Variants in ZFPM1 observed in about 807,000 individuals in gnomAD.
ZFPM1 encodes the protein zinc finger protein, FOG family member 1.
In ZFPM1, 28 loss-of-function variants were observed where a neutral mutation model predicts 46.3. The ratio of observed to expected loss-of-function variants is 0.60; its 90% confidence interval spans 0.45 to 0.83. The LOEUF (loss-of-function observed/expected upper bound fraction) is 0.83, where lower values mean the gene tolerates loss of function less well. ZFPM1 is among the 40% of genes least tolerant of loss of function. The probability of loss-of-function intolerance (pLI) is 0.00; values close to 1 mark genes in which losing one functional copy is unlikely to be tolerated. For synonymous variants in ZFPM1, 957 were observed against 675.9 expected (o/e 1.42, Z -6.45); for missense variants, 1,878 against 1,432.4 (o/e 1.31, Z -5.02).
chr16:88,459,470 G>A (rs1446710736), intron 1 of ZFPM1, among the ~76,000 whole-genome samples: 1 of 152,050 alleles, frequency 6.6e-6, no homozygotes, highest in African/African-American at 2.4e-5. Flanking sequence ...TTGTAAGAAT[G>A]GAAGGAAAAT....
rs938333162 is a variant in ZFPM1, at chr16:88,497,092, A to T, written c.268+7939A>T. Reference sequence around the variant, plus strand: ...CCCAGGACCACTATGGACAAGGTGAATTCCAGCTGATCACACAAGTCGTGA... The same window carrying T: ...CCCAGGACCACTATGGACAAGGTGATTTCCAGCTGATCACACAAGTCGTGA... On this transcript the variant is annotated intron_variant, in intron 3 of 9. Coordinates refer to ENST00000319555, the MANE Select transcript of ZFPM1 (RefSeq NM_153813.3). This position sits in a 1 kb window ranked among gnomAD's most constrained non-coding sequence, Gnocchi z 5.4. Among the ~76,000 whole-genome samples, 4 of 152,230 alleles carry T rather than the reference A, an allele frequency of 2.6e-5. No homozygotes were observed. Among genetic ancestry groups the T allele is most frequent in the African/African-American group, 9.6e-5 (4 of 41,462 alleles).
chr16:88,474,135 A>G (rs986590203), intron 1 of ZFPM1, among the ~76,000 whole-genome samples: 1 of 152,050 alleles, frequency 6.6e-6, no homozygotes, highest in African/African-American at 2.4e-5. Context: ...GCTGAAACCA[A>G]TCTCTCCCCT....
In ZFPM1 at chr16:88,532,187, A is replaced by T. The variant is rs372953091; in HGVS notation, c.898A>T (p.Ser300Cys). The T allele has an allele frequency of 1.2e-6, 2 of 1,610,722 alleles. No homozygotes were observed. The highest frequency in any genetic ancestry group is 4.5e-5 in the East Asian group (2 of 44,806). Residue 300 changes from serine (S) to cysteine (C), a missense_variant, in exon 7 of 10, where the codon AGC becomes TGC. Physicochemically the swap from Ser to Cys is moderately radical, Grantham distance 112. Transcript: ENST00000319555. ...RVCPFPQCRKSCPSASSLEIH... is the reference protein window; with the variant it reads ...RVCPFPQCRKCCPSASSLEIH... Reference sequence around the variant, plus strand: ...CTGCCCCTTCCCCCAGTGCCGCAAGAGCTGCCCCAGCGCCAGCTCCCTGGA... The same window carrying T: ...CTGCCCCTTCCCCCAGTGCCGCAAGTGCTGCCCCAGCGCCAGCTCCCTGGA...
At position 88,535,341 on chromosome 16, in the gene ZFPM1, T is replaced by G. The variant is rs192244321; in HGVS notation, c.*362T>G. 520 of 173,946 alleles carry G rather than the reference T, an allele frequency of 3.0e-3. 5 individuals carry two copies. The highest frequency in any genetic ancestry group is 0.012 in the African/African-American group (493 of 42,382). The allele number at this position is 173,946 out of a possible 1,614,324, so 10.8% of individuals were successfully genotyped here. A position where few individuals can be genotyped will look rare whatever the true frequency, so the allele number is the denominator to read the frequency against. The stretch of plus-strand genomic sequence containing the variant: ...TCAGGTCGGAGGCCACAGCACACAC[T>G]GAACCACTGCAGGGCCAGCCGCTCT... On this transcript the variant is annotated 3_prime_UTR_variant, in exon 10 of 10. Transcript: ENST00000319555.
intron 3 of ZFPM1, among the ~76,000 whole-genome samples, chr16:88,493,575 G>T (rs1444368162): frequency 1.3e-5 from 2 of 148,594 alleles, no homozygotes; most frequent in African/African-American, 5.0e-5. Flanking sequence ...AGCTGTCCCG[G>T]GGTGTGGTGA....
At chr16:88,478,941 C>G (rs370869308) in intron 1 of ZFPM1, among the ~76,000 whole-genome samples, 2 of 152,174 alleles carry the variant, frequency 1.3e-5, no homozygotes, top group African/African-American at 4.8e-5. Context: ...CCGGGCCACA[C>G]CGGGGTGATG....
In ZFPM1 at chr16:88,526,875, C is replaced by T; in HGVS notation, c.464C>T (p.Ala155Val). ...TGCTGGCTGAGGACGCTGCCCCAGG[C>T]CCTGACTGAGGCCGAGGCCAACACA... ...EACWLRTLPQ[A>V]LTEAEANTEI... Residue 155 changes from alanine to valine, a missense_variant, in exon 5 of 10, where the codon GCC becomes GTC. Coordinates refer to ENST00000319555, the MANE Select transcript of ZFPM1 (RefSeq NM_153813.3). 6.3e-7 allele frequency: 1 copy of T among 1,581,502 alleles called. No homozygotes were observed. The highest frequency in any genetic ancestry group is 8.6e-7 in the Non-Finnish European group (1 of 1,163,986).
chr16:88,472,634 G>C (rs143512718), intron 1 of ZFPM1, among the ~76,000 whole-genome samples: 372 of 152,326 alleles, frequency 2.4e-3, no homozygotes, highest in African/African-American at 8.6e-3. Flanking sequence ...TTACAAGCGT[G>C]AGCCACTGCG....
intron 4 of ZFPM1, among the ~76,000 whole-genome samples, chr16:88,518,129 C>T (rs1567548641): frequency 6.6e-6 from 1 of 151,490 alleles, no homozygotes; most frequent in Non-Finnish European, 1.5e-5. Flanking sequence ...GGTGTGAACC[C>T]GGGAGGCGGA....
intron 1 of ZFPM1, among the ~76,000 whole-genome samples, chr16:88,463,719 G>C (rs1027622259): frequency 6.6e-6 from 1 of 152,260 alleles, no homozygotes; most frequent in Non-Finnish European, 1.5e-5. Context: ...GGGCAGCAGT[G>C]GTGGTTTTCA....
intron 3 of ZFPM1, among the ~76,000 whole-genome samples, chr16:88,504,122 C>G (rs1177209475): frequency 6.6e-6 from 1 of 151,984 alleles, no homozygotes; most frequent in Non-Finnish European, 1.5e-5. Context: ...GAAGCACAGA[C>G]AGAGTCCCCA....
intron 4 of ZFPM1, chr16:88,516,577 T>G (rs1911313080): frequency 7.5e-6 from 3 of 398,566 alleles, no homozygotes; most frequent in Non-Finnish European, 1.3e-5. Flanking sequence ...TATCTCCGCC[T>G]TGGCGCCGAG....
Position 88,502,352 on chromosome 16 carries a change from G to A in ZFPM1, c.269-12035G>A, listed in dbSNP as rs1009548211. 5.3e-5 allele frequency among the ~76,000 whole-genome samples: 8 copies of A among 151,100 alleles called. No homozygotes were observed. In the East Asian group the frequency reaches 6.0e-4, roughly 11 times the overall value. On this transcript the variant is annotated intron_variant, in intron 3 of 9. Transcript: ENST00000319555. The stretch of plus-strand genomic sequence containing the variant: ...CCACCCCGGCCCCCCGCCCTCTCCC[G>A]CCCTGCCCAGGGGCCCGGGCGCCGG...
At chr16:88,525,895 G>T (rs1351880795) in intron 4 of ZFPM1, among the ~76,000 whole-genome samples, 1 of 152,230 alleles carries the variant, frequency 6.6e-6, no homozygotes, top group Non-Finnish European at 1.5e-5. Context: ...CACGGGCTCG[G>T]CCCAGAGTGT....
At position 88,532,108 on chromosome 16, in the gene ZFPM1, G is replaced by A. The variant is rs768492615; in HGVS notation, c.819G>A (p.Pro273=). Residue 273 remains proline, a synonymous_variant, in exon 7 of 10, where the codon CCG becomes CCA. Coordinates refer to ENST00000319555, the MANE Select transcript of ZFPM1 (RefSeq NM_153813.3). ...CCAGCCGCCAGGGCACCGGCTCCCC[G>A]GCCGCAGCCGCCACAGACGAGAAGC... is the stretch of plus-strand genomic sequence containing the variant. ...YCASRQGTGS[P]AAAATDEKPK... is the part of the protein sequence containing the mutation. 26 of 1,612,248 alleles carry A rather than the reference G, an allele frequency of 1.6e-5. 2 individuals are homozygous for A. Among genetic ancestry groups the A allele is most frequent in the South Asian group, 6.6e-5 (6 of 91,054 alleles).
chr16:88,504,907 G>T (rs1010261604), intron 3 of ZFPM1, among the ~76,000 whole-genome samples: 3 of 152,086 alleles, frequency 2.0e-5, no homozygotes, highest in African/African-American at 7.2e-5. Context: ...CACTGGGCCT[G>T]CAGGTGCGAG....
chr16:88,474,512 A>AG (rs1415246505), intron 1 of ZFPM1, among the ~76,000 whole-genome samples: 1 of 152,064 alleles, frequency 6.6e-6, no homozygotes, highest in Non-Finnish European at 1.5e-5. Flanking sequence ...CAAAGCCTCC[A>AG]GCCCCCTGCC....
intron 7 of ZFPM1, 21 bp downstream of exon 7, chr16:88,532,256 C>G: frequency 6.4e-7 from 1 of 1,571,270 alleles, no homozygotes. Context: ...ACCCCGGACG[C>G]GGGTCCTCAG....
intron 3 of ZFPM1, among the ~76,000 whole-genome samples, chr16:88,498,506 C>A (rs1017768544): frequency 7.2e-5 from 11 of 152,344 alleles, no homozygotes; most frequent in African/African-American, 2.6e-4. Flanking sequence ...CGTGCTCAGG[C>A]CAGCATAGCC....
Sources: gnomAD v4.1 joint callset for allele counts (sites outside exome capture counted in the v4.1 genomes callset) on GRCh38, gnomAD v4.1.1 for gene constraint, Gnocchi (gnomAD v3.1) non-coding constraint, MANE v1.5 for transcripts, NCBI Gene and HGNC (gene_info 2026-07-23, HGNC 2026-07-21) for gene names.